GABRA3: variants seen among roughly 807,000 people sequenced by gnomAD.
GABRA3 encodes gamma-aminobutyric acid type A receptor subunit alpha3.
Under a neutral mutation model 30.1 loss-of-function variants are expected in GABRA3, and 10 were observed. The observed-to-expected ratio is 0.33, with a 90% CI of 0.20 to 0.56. The LOEUF is 0.56. GABRA3 is among the 20% of genes least tolerant of loss of function. GABRA3 has a pLI of 0.89. For missense variants in GABRA3, 233 were observed against 392.0 expected (o/e 0.59, Z 3.42); for synonymous variants, 151 against 146.8 (o/e 1.03, Z -0.21).
intron 3 of GABRA3, among the ~76,000 whole-genome samples, chrX:152,308,268 G>A (rs775895574): frequency 8.9e-6 from 1 of 112,820 alleles, no homozygotes; most frequent in Non-Finnish European, 1.9e-5. Context: ...CCCACACACA[G>A]CATCCTTCCA....
intron 1 of GABRA3, among the ~76,000 whole-genome samples, chrX:152,417,430 C>T (rs1358098515): frequency 9.1e-6 from 1 of 110,214 alleles, no homozygotes; most frequent in African/African-American, 3.3e-5. Context: ...GTTGGTGGGA[C>T]TGTAAATTAG....
intron 2 of GABRA3, among the ~76,000 whole-genome samples, chrX:152,363,235 T>C (rs991156869): frequency 8.9e-6 from 1 of 111,935 alleles, no homozygotes; most frequent in African/African-American, 3.2e-5. Context: ...ACAAAGGTCT[T>C]TGATGTACCT....
intron 4 of GABRA3, among the ~76,000 whole-genome samples, chrX:152,266,513 C>T (rs757264846): frequency 9.0e-6 from 1 of 111,621 alleles, no homozygotes; most frequent in South Asian, 3.7e-4. Flanking sequence ...TATAGCCAAA[C>T]TTAGATTACC....
At chrX:152,320,104 C>G (rs755616547) in intron 3 of GABRA3, among the ~76,000 whole-genome samples, 8 of 111,277 alleles carry the variant, frequency 7.2e-5, no homozygotes, top group Non-Finnish European at 1.3e-4. Context: ...GAAAAGGGCA[C>G]ACTTCTACAC....
chrX:152,421,095 TTA>T (rs998076378), intron 1 of GABRA3, among the ~76,000 whole-genome samples: 5 of 51,102 alleles, frequency 9.8e-5, no homozygotes, highest in Non-Finnish European at 1.5e-4. Context: ...TATTTACACA[TTA>T]TACACACACA....
chrX:152,295,759 A>C (rs1293849021), intron 3 of GABRA3, among the ~76,000 whole-genome samples: 5 of 112,321 alleles, frequency 4.5e-5, no homozygotes, highest in African/African-American at 1.3e-4. Context: ...TGAAATGCGG[A>C]AATCACCCAT....
chrX:152,269,126 T>C (rs1938881453), intron 4 of GABRA3, among the ~76,000 whole-genome samples: 1 of 112,072 alleles, frequency 8.9e-6, no homozygotes, highest in South Asian at 3.7e-4. Flanking sequence ...AACAAAAAAT[T>C]GTTAGTACTG....
intron 3 of GABRA3, among the ~76,000 whole-genome samples, chrX:152,294,396 C>A (rs1250374714): frequency 9.0e-6 from 1 of 111,004 alleles, no homozygotes; most frequent in Non-Finnish European, 1.9e-5. Context: ...TCACCGATAC[C>A]CTTTCTTCCA....
chrX:152,207,716 C>T (rs1260697628), intron 7 of GABRA3, among the ~76,000 whole-genome samples: 1 of 111,811 alleles, frequency 8.9e-6, no homozygotes, highest in Admixed American at 9.5e-5. Flanking sequence ...TACTCTAGCC[C>T]TAATGCCCTT....
intron 5 of GABRA3, among the ~76,000 whole-genome samples, chrX:152,236,457 G>A (rs1175231604): frequency 1.9e-4 from 18 of 94,636 alleles, no homozygotes; most frequent in African/African-American, 5.9e-4. Flanking sequence ...ATAAACATAC[G>A]TGTGCATGTG....
chrX:152,444,705 C>A (rs1931017200), intron 1 of GABRA3, among the ~76,000 whole-genome samples: 1 of 102,862 alleles, frequency 9.7e-6, no homozygotes, highest in African/African-American at 3.5e-5. Context: ...ACCTCCCCTT[C>A]CCTTAAAAAC....
intron 4 of GABRA3, among the ~76,000 whole-genome samples, chrX:152,282,598 AAAAC>A (rs796456174): frequency 8.9e-6 from 1 of 111,892 alleles, no homozygotes. Flanking sequence ...ATGAGGAATA[AAAAC>A]AAACAAGCAA....
chrX:152,415,722 A>G (rs1382593668), intron 1 of GABRA3, among the ~76,000 whole-genome samples: 2 of 111,477 alleles, frequency 1.8e-5, no homozygotes, highest in Admixed American at 1.9e-4. Context: ...GGTGACTCTA[A>G]GTAAAAAGTT....
chrX:152,195,425 C>A (rs1034689364), intron 8 of GABRA3, among the ~76,000 whole-genome samples: 12 of 111,789 alleles, frequency 1.1e-4, no homozygotes, highest in African/African-American at 3.9e-4. Flanking sequence ...AACAAATTAT[C>A]AAAAATTTAG....
intron 1 of GABRA3, among the ~76,000 whole-genome samples, chrX:152,449,910 T>C (rs751772970): frequency 1.8e-5 from 2 of 112,102 alleles, no homozygotes; most frequent in Non-Finnish European, 3.8e-5. Flanking sequence ...TGCACTATTC[T>C]GCTACAGTAA....
chrX:152,295,756 C>T lies in GABRA3; in HGVS notation c.263-11021G>A, dbSNP rs142970423. 5.1e-3 allele frequency among the ~76,000 whole-genome samples: 569 copies of T among 112,246 alleles called. 3 individuals carry two copies. Among genetic ancestry groups the T allele is most frequent in the African/African-American group, 0.017 (541 of 30,965 alleles). Reference sequence around the variant, plus strand: ...GAAACGTTTACCTCAGTTTGAAATGCGGAAATCACCCATCTTCTGAGTCAA... The same window carrying T: ...GAAACGTTTACCTCAGTTTGAAATGTGGAAATCACCCATCTTCTGAGTCAA... On this transcript the variant is annotated intron_variant, in intron 3 of 9. Transcript: ENST00000370314.
intron 1 of GABRA3, among the ~76,000 whole-genome samples, chrX:152,409,959 C>T (rs1286228282): frequency 8.9e-6 from 1 of 112,318 alleles, no homozygotes; most frequent in African/African-American, 3.2e-5. Context: ...GAGAATCAAC[C>T]TAAAGTCCAT....
chrX:152,234,035 A>G (rs865815535), intron 5 of GABRA3, among the ~76,000 whole-genome samples: 267 of 71,983 alleles, frequency 3.7e-3, no homozygotes, highest in African/African-American at 0.013. Context: ...ATCGCACTCT[A>G]GGGACTGTTG....
chrX:152,281,415 T>C (rs1939196782), intron 4 of GABRA3, among the ~76,000 whole-genome samples: 1 of 112,010 alleles, frequency 8.9e-6, no homozygotes, highest in Non-Finnish European at 1.9e-5. Flanking sequence ...ACTGAGGAGC[T>C]ATGATGCTTT....
Sources: allele counts gnomAD v4.1 joint callset (sites outside exome capture counted in the v4.1 genomes callset), GRCh38; gene constraint gnomAD v4.1.1; transcripts MANE v1.5; gene names NCBI Gene and HGNC (gene_info 2026-07-23, HGNC 2026-07-21).